SLIT2: variants seen among roughly 807,000 people sequenced by gnomAD.
SLIT2 encodes slit guidance ligand 2.
A neutral mutation model predicts 185.7 loss-of-function variants in SLIT2; 41 were observed. The ratio of observed to expected loss-of-function variants is 0.22; its 90% CI spans 0.17 to 0.29. SLIT2 has a LOEUF of 0.29. SLIT2 is among the 10% of genes least tolerant of loss of function. SLIT2 has a pLI of 1.00. For synonymous variants in SLIT2, 693 were observed against 680.2 expected (o/e 1.02, Z -0.29); for missense variants, 1,571 against 1,909.0 (o/e 0.82, Z 3.30).
intron 5 of SLIT2, among the ~76,000 whole-genome samples, chr4:20,475,019 T>C (rs1025890484): frequency 1.3e-5 from 2 of 151,918 alleles, no homozygotes; most frequent in African/African-American, 4.8e-5. Flanking sequence ...TTACAGACTC[T>C]TTCCTGAAAG....
intron 4 of SLIT2, among the ~76,000 whole-genome samples, chr4:20,363,433 A>G (rs192341800): frequency 3.9e-5 from 6 of 152,266 alleles, no homozygotes; most frequent in Non-Finnish European, 7.4e-5. Context: ...ATGTTTGCTT[A>G]ATATTGTTTC....
At chr4:20,489,240 C>T (rs919242557) in intron 8 of SLIT2, among the ~76,000 whole-genome samples, 3 of 151,970 alleles carry the variant, frequency 2.0e-5, no homozygotes, top group Admixed American at 6.6e-5. Context: ...TATGGAAAAT[C>T]GCTAAATGAT....
chr4:20,352,691 A>G (rs1577484684), intron 4 of SLIT2, among the ~76,000 whole-genome samples: 1 of 152,292 alleles, frequency 6.6e-6, no homozygotes, highest in East Asian at 1.9e-4. Flanking sequence ...AGGCAGGCAG[A>G]TCACGAGGTC....
intron 5 of SLIT2, among the ~76,000 whole-genome samples, chr4:20,475,873 C>T (rs1560458662): frequency 6.6e-6 from 1 of 152,088 alleles, no homozygotes; most frequent in East Asian, 1.9e-4. Flanking sequence ...AATTGACAAA[C>T]ATATAACTTT....
At chr4:20,527,371 C>T (rs576638104) in intron 15 of SLIT2, among the ~76,000 whole-genome samples, 8 of 151,924 alleles carry the variant, frequency 5.3e-5, no homozygotes, top group Non-Finnish European at 8.8e-5. Flanking sequence ...CTGCAAGTTC[C>T]GCCTCCCGAG....
chr4:20,455,196 A>G (rs756000479), intron 4 of SLIT2, among the ~76,000 whole-genome samples: 11 of 152,152 alleles, frequency 7.2e-5, no homozygotes, highest in Admixed American at 1.3e-4. Context: ...AGGTGTTCCT[A>G]TAGTCTGTTC....
chr4:20,419,104 A>T (rs979845379), intron 4 of SLIT2, among the ~76,000 whole-genome samples: 26 of 152,316 alleles, frequency 1.7e-4, no homozygotes, highest in Middle Eastern at 6.8e-3. Flanking sequence ...AGTATTATAC[A>T]CACTTTCAAT....
At chr4:20,338,485 A>G (rs1720693706) in intron 4 of SLIT2, among the ~76,000 whole-genome samples, 3 of 152,206 alleles carry the variant, frequency 2.0e-5, no homozygotes, top group Non-Finnish European at 4.4e-5. Flanking sequence ...TGGAAGGTAT[A>G]TGTTAACATG....
At position 20,519,401 on chromosome 4, in the gene SLIT2, A is replaced by C. The variant is rs770938972; in HGVS notation, c.1078A>C (p.Ile360Leu). ...TTTCAGTGTCCTCTATGGAAATAAAATCACAGAACTCCCCAAAAGTTTATT... is the reference window on the plus strand; with the variant it reads ...TTTCAGTGTCCTCTATGGAAATAAACTCACAGAACTCCCCAAAAGTTTATT... ...LNSLVLYGNK[I>L]TELPKSLFEG... Residue 360 changes from isoleucine (I) to leucine (L), a missense_variant, in exon 12 of 37, where the codon ATC becomes CTC. Ile to Leu is a conservative substitution (Grantham distance 5). This residue lies in a region of SLIT2 where 1,202 missense variants were observed against 1,416.4 expected (regional missense o/e 0.85). Transcript: ENST00000504154. 3 of 1,583,750 alleles carry C rather than the reference A, an allele frequency of 1.9e-6. No individual in the cohort carries two copies. The highest frequency in any genetic ancestry group is 2.6e-6 in the Non-Finnish European group (3 of 1,153,748).
chr4:20,531,405 C>T (rs1029348389), intron 16 of SLIT2, among the ~76,000 whole-genome samples: 4 of 152,086 alleles, frequency 2.6e-5, no homozygotes, highest in Non-Finnish European at 5.9e-5. Flanking sequence ...ATGCAAAATG[C>T]CCAGACTAGG....
Position 20,253,428 on chromosome 4 carries a change from C to G in SLIT2, c.-388C>G. Reference sequence around the variant, plus strand: ...GCGTGGGATCAGAGGACCGCCCTCCCCACAACAACCGGCCCCTGCATCTTA... The same window carrying G: ...GCGTGGGATCAGAGGACCGCCCTCCGCACAACAACCGGCCCCTGCATCTTA... On this transcript the variant is annotated 5_prime_UTR_variant, in exon 1 of 37. Transcript: ENST00000504154. 2 of 244,210 alleles carry G rather than the reference C, an allele frequency of 8.2e-6. No homozygotes were observed. Among genetic ancestry groups the G allele is most frequent in the South Asian group, 1.5e-4 (2 of 13,650 alleles). The allele number at this position is 244,210 out of a possible 1,614,324, so 15.1% of individuals were successfully genotyped here.
intron 4 of SLIT2, among the ~76,000 whole-genome samples, chr4:20,308,169 G>T (rs1577404511): frequency 6.6e-6 from 1 of 152,272 alleles, no homozygotes; most frequent in East Asian, 1.9e-4. Context: ...GGGGCCTTGA[G>T]GGATTAGCAG....
intron 29 of SLIT2, among the ~76,000 whole-genome samples, chr4:20,569,995 G>A (rs1437980551): frequency 6.6e-6 from 1 of 152,024 alleles, no homozygotes; most frequent in African/African-American, 2.4e-5. Context: ...TATTAAAACG[G>A]AAGCTTTTAT....
At chr4:20,530,440 C>T (rs1721696039) in intron 16 of SLIT2, among the ~76,000 whole-genome samples, 1 of 149,412 alleles carries the variant, frequency 6.7e-6, no homozygotes, top group South Asian at 2.1e-4. Context: ...TGCACCACCA[C>T]ACCCAGCTAA....
At chr4:20,270,889 A>T (rs1713533433) in intron 4 of SLIT2, among the ~76,000 whole-genome samples, 1 of 151,992 alleles carries the variant, frequency 6.6e-6, no homozygotes, top group Non-Finnish European at 1.5e-5. Context: ...GCTTCATCTG[A>T]ATTAGACTTA....
At chr4:20,499,266 T>G (rs1718492571) in intron 9 of SLIT2, among the ~76,000 whole-genome samples, 2 of 152,212 alleles carry the variant, frequency 1.3e-5, no homozygotes, top group Non-Finnish European at 2.9e-5. Context: ...GAGTTCCTTG[T>G]AGATTCTGGA....
intron 4 of SLIT2, among the ~76,000 whole-genome samples, chr4:20,332,505 A>G (rs1290377712): frequency 1.3e-5 from 2 of 152,070 alleles, no homozygotes; most frequent in African/African-American, 4.8e-5. Flanking sequence ...AATGTGGTGA[A>G]ACCCCATCTA....
chr4:20,456,972 C>T (rs1232411336), intron 4 of SLIT2, among the ~76,000 whole-genome samples: 3 of 152,026 alleles, frequency 2.0e-5, no homozygotes, highest in Non-Finnish European at 2.9e-5. Context: ...AATATCTCTA[C>T]CCTATCTTAG....
intron 4 of SLIT2, among the ~76,000 whole-genome samples, chr4:20,412,940 G>A (rs148269396): frequency 0.012 from 1,825 of 152,006 alleles, 41 homozygotes; most frequent in African/African-American, 0.042. Context: ...AGTTTGTTTT[G>A]TCAATTCTGG....
Sources: allele counts gnomAD v4.1 joint callset (sites outside exome capture counted in the v4.1 genomes callset), GRCh38; gene constraint gnomAD v4.1.1; regional missense constraint gnomAD v4.1.1; transcripts MANE v1.5; gene names NCBI Gene and HGNC (gene_info 2026-07-23, HGNC 2026-07-21).